Variants in LMLN observed in about 807,000 individuals in gnomAD.
The protein encoded by LMLN is leishmanolysin-like peptidase.
A neutral mutation model predicts 92.3 loss-of-function variants in LMLN; 70 were observed. The observed-to-expected ratio is 0.76, with a 90% CI of 0.63 to 0.92. The LOEUF is 0.92. Among genes scored for constraint, LMLN ranks in the 40% least tolerant of loss-of-function variants. The pLI is 0.00. For synonymous variants in LMLN, 308 were observed against 296.2 expected (o/e 1.04, Z -0.41); for missense variants, 691 against 814.6 (o/e 0.85, Z 1.85).
intron 11 of LMLN, among the ~76,000 whole-genome samples, chr3:198,016,851 A>C (rs1352251304): frequency 1.3e-5 from 2 of 152,116 alleles, no homozygotes; most frequent in Non-Finnish European, 2.9e-5. Context: ...AATAGTAAAT[A>C]TTTTAGGTTT....
At chr3:197,987,222 C>G (rs1257061629) in intron 8 of LMLN, among the ~76,000 whole-genome samples, 1 of 126,910 alleles carries the variant, frequency 7.9e-6, no homozygotes, top group South Asian at 2.6e-4. Context: ...TGCAGTGGTG[C>G]AATCTCGGCT....
intron 14 of LMLN, among the ~76,000 whole-genome samples, chr3:198,029,838 TTTA>T (rs374448313): frequency 3.9e-4 from 60 of 152,168 alleles, no homozygotes; most frequent in African/African-American, 1.4e-3. Context: ...CTTATTTTTT[TTTA>T]TTATTATTAC....
intron 14 of LMLN, 136 bp from the exon 16 acceptor site, chr3:198,035,697 A>C (rs1335051010): frequency 5.6e-6 from 4 of 709,470 alleles, no homozygotes; most frequent in Admixed American, 5.9e-5. Flanking sequence ...TTATGCCCAC[A>C]CTGCAAATTG....
At chr3:198,038,659 T>C (rs1477827937) in exon 16 of LMLN, 2 of 1,608,666 alleles carry the variant, frequency 1.2e-6, no homozygotes, top group Non-Finnish European at 1.7e-6. Flanking sequence ...TCTGTGTATA[T>C]GGCACTAGGA....
chr3:197,965,634 G>A (rs1025939774), intron 1 of LMLN, among the ~76,000 whole-genome samples: 5 of 152,224 alleles, frequency 3.3e-5, no homozygotes, highest in Admixed American at 2.0e-4. Flanking sequence ...AAAACTATTG[G>A]CCAAGTACAG....
At chr3:198,040,565 G>A (rs1043905518) in exon 16 of LMLN, 1 of 148,372 alleles carries the variant, frequency 6.7e-6, no homozygotes, top group African/African-American at 2.5e-5. Context: ...CACAACCCTC[G>A]GACAGACTCC....
rs1211089621 is a variant in LMLN at position 197,985,977 on chromosome 3, A to G, written c.929+87A>G. ...AGAATCACAGTATATTAGATGCCAT[A>G]AATAATAATGTCTTCATGGCAAACC... On this transcript the variant is annotated intron_variant, in intron 8 of 15. Coordinates refer to ENST00000330198, the Ensembl canonical transcript of LMLN. 5 of 796,018 alleles carry G rather than the reference A, an allele frequency of 6.3e-6. No homozygotes were observed. In the African/African-American group the frequency reaches 8.6e-5, roughly 14 times the overall value. The allele number at this position is 796,018 out of a possible 1,614,324, so 49.3% of individuals were successfully genotyped here.
chr3:197,966,055 A>T (rs1041616470), intron 1 of LMLN, among the ~76,000 whole-genome samples: 5 of 151,990 alleles, frequency 3.3e-5, no homozygotes, highest in African/African-American at 1.2e-4. Context: ...GCATGTTTTT[A>T]TTTTTGAGAC....
chr3:198,012,989 A>G (rs1722495428), intron 11 of LMLN, among the ~76,000 whole-genome samples: 1 of 115,746 alleles, frequency 8.6e-6, no homozygotes, highest in East Asian at 2.2e-4. Context: ...TGTACCCTTC[A>G]GAGTCCCCTA....
Position 197,977,108 on chromosome 3 carries a change from C to T in LMLN, c.549+393C>T, listed in dbSNP as rs187927685. Among the ~76,000 whole-genome samples, 692 of 152,178 alleles carry T rather than the reference C, an allele frequency of 4.5e-3. 3 individuals carry two copies. The highest frequency in any genetic ancestry group is 7.9e-3 in the Non-Finnish European group (540 of 68,010). ...TTATTCCACAAAATACTAATGGCTA[C>T]GTAATATATGTTTAAAGGTGTTCTT... On this transcript the variant is annotated intron_variant, in intron 5 of 15. Transcript: ENST00000330198.
At chr3:197,966,541 A>C (rs1453062403) in intron 1 of LMLN, among the ~76,000 whole-genome samples, 1 of 151,300 alleles carries the variant, frequency 6.6e-6, no homozygotes, top group Non-Finnish European at 1.5e-5. Flanking sequence ...CTAGTTTTCT[A>C]AGAGTTTTTT....
intron 2 of LMLN, 105 bp downstream of exon 2, chr3:197,974,579 G>T: frequency 1.7e-6 from 1 of 593,626 alleles, no homozygotes; most frequent in Admixed American, 4.0e-5. Context: ...AAAACTTAAG[G>T]ACTAGTGTAG....
At chr3:198,010,441 G>A (rs115841126) in intron 11 of LMLN, among the ~76,000 whole-genome samples, 1,822 of 151,830 alleles carry the variant, frequency 0.012, 19 homozygotes, top group Admixed American at 0.026. Flanking sequence ...GAGTCACCAC[G>A]CCCAGCGTTT....
At chr3:197,977,287 G>A (rs753782240) in intron 5 of LMLN, among the ~76,000 whole-genome samples, 2 of 152,118 alleles carry the variant, frequency 1.3e-5, no homozygotes, top group Non-Finnish European at 2.9e-5. Context: ...AAAATGTTGC[G>A]AATCAGTATG....
chr3:197,962,580 C>T (rs1405031234), intron 1 of LMLN, among the ~76,000 whole-genome samples: 1 of 152,166 alleles, frequency 6.6e-6, no homozygotes, highest in Non-Finnish European at 1.5e-5. Flanking sequence ...CCATTTTACA[C>T]CCCCATCAAC....
chr3:197,971,174 C>G lies in LMLN; in HGVS notation c.220-3203C>G, dbSNP rs117710451. On this transcript the variant is annotated intron_variant, in intron 1 of 15. Coordinates refer to ENST00000330198, the Ensembl canonical transcript of LMLN. ...GTATAATGTTGTATTAGTTCTCACA[C>G]TGCTATAAAGATACTACCTGAGACT... Among the ~76,000 whole-genome samples, 2,751 of 152,290 alleles carry G rather than the reference C, an allele frequency of 0.018. 242 individuals carry two copies. The East Asian group carries it at 0.26, about 14-fold the overall frequency.
At chr3:197,961,150 C>G (rs1205534246) in intron 1 of LMLN, among the ~76,000 whole-genome samples, 1 of 152,218 alleles carries the variant, frequency 6.6e-6, no homozygotes, top group Non-Finnish European at 1.5e-5. Flanking sequence ...GTACTCCCTC[C>G]TGGCATTTAA....
At chr3:198,027,507 C>T (rs1410484956) in intron 14 of LMLN, among the ~76,000 whole-genome samples, 1 of 151,910 alleles carries the variant, frequency 6.6e-6, no homozygotes, top group Non-Finnish European at 1.5e-5. Context: ...CTAAACAATC[C>T]CTCCCTCTTC....
intron 2 of LMLN, 46 bp from the exon 3 acceptor site, chr3:197,974,996 A>G (rs756676217): frequency 5.5e-6 from 7 of 1,269,840 alleles, no homozygotes; most frequent in South Asian, 5.0e-5. Flanking sequence ...TACATGTGCT[A>G]TGCCTCTGAG....
Sources: gnomAD v4.1 joint callset for allele counts (sites outside exome capture counted in the v4.1 genomes callset) on GRCh38, gnomAD v4.1.1 for gene constraint, MANE v1.5 for transcripts, NCBI Gene and HGNC (gene_info 2026-07-23, HGNC 2026-07-21) for gene names.